Variants in RORA observed in about 807,000 individuals in gnomAD.
The protein encoded by RORA is RAR related orphan receptor A.
A neutral mutation model predicts 69.5 loss-of-function variants in RORA; 7 were observed. That is an observed-to-expected ratio of 0.10 (90% CI 0.06 to 0.19). RORA has a LOEUF of 0.19. Among genes scored for constraint, RORA ranks in the 10% least tolerant of loss-of-function variants. The pLI is 1.00. For synonymous variants in RORA, 261 were observed against 240.8 expected (o/e 1.08, Z -0.78); for missense variants, 457 against 663.0 (o/e 0.69, Z 3.41).
At chr15:60,620,292 A>C (rs139225742) in intron 2 of RORA, among the ~76,000 whole-genome samples, 124 of 152,342 alleles carry the variant, frequency 8.1e-4, no homozygotes, top group African/African-American at 3.0e-3. Context: ...TATTAGCTCA[A>C]ATAAGGACAG....
chr15:61,062,526 G>T (rs185826200), intron 1 of RORA, among the ~76,000 whole-genome samples: 1 of 152,260 alleles, frequency 6.6e-6, no homozygotes, highest in African/African-American at 2.4e-5. Flanking sequence ...CAGGAGGAGC[G>T]AGCCAAGTAG....
chr15:60,946,907 C>A (rs1002775140), intron 1 of RORA, among the ~76,000 whole-genome samples: 38 of 152,188 alleles, frequency 2.5e-4, no homozygotes, highest in Middle Eastern at 3.4e-3. Flanking sequence ...AGGAGCGCCT[C>A]TGCCCGGCCC....
At chr15:60,577,928 A>G (rs1404165770) in intron 2 of RORA, among the ~76,000 whole-genome samples, 2 of 152,222 alleles carry the variant, frequency 1.3e-5, no homozygotes, top group African/African-American at 2.4e-5. Context: ...TCTGCATTCA[A>G]TCTGTTGTGT....
intron 1 of RORA, among the ~76,000 whole-genome samples, chr15:60,960,642 C>CT (rs1227628217): frequency 0.026 from 3,571 of 138,800 alleles, 60 homozygotes; most frequent in African/African-American, 0.054. Context: ...GCACACAAAT[C>CT]TTTTTTTTTT....
At chr15:61,151,755 G>A (rs2079399977) in intron 1 of RORA, among the ~76,000 whole-genome samples, 1 of 152,122 alleles carries the variant, frequency 6.6e-6, no homozygotes, top group South Asian at 2.1e-4. Flanking sequence ...TGAATACGAA[G>A]CTTATCAAGC....
intron 1 of RORA, among the ~76,000 whole-genome samples, chr15:60,749,578 G>A (rs2071694832): frequency 6.6e-6 from 1 of 152,150 alleles, no homozygotes; most frequent in South Asian, 2.1e-4. Flanking sequence ...AAAAGTAAAT[G>A]CAAACCAGAA....
chr15:61,111,125 G>A (rs782923), intron 1 of RORA, among the ~76,000 whole-genome samples: 38,850 of 152,104 alleles, frequency 0.26, 5,181 homozygotes, highest in South Asian at 0.36. Context: ...AATGAAGGAG[G>A]CTGAATGGTT....
At chr15:60,704,401 C>T (rs1317528576) in intron 1 of RORA, among the ~76,000 whole-genome samples, 1 of 152,040 alleles carries the variant, frequency 6.6e-6, no homozygotes, top group Non-Finnish European at 1.5e-5. Context: ...TGGGTGGCTC[C>T]CCAAAGGTGC....
At chr15:60,594,795 T>C (rs1034555851) in intron 2 of RORA, among the ~76,000 whole-genome samples, 1 of 152,244 alleles carries the variant, frequency 6.6e-6, no homozygotes, top group Non-Finnish European at 1.5e-5. Flanking sequence ...TACACATTTA[T>C]TCAACAAAGA....
intron 3 of RORA, among the ~76,000 whole-genome samples, chr15:60,516,209 TTATATATATATATTTATATATATATTTA>T (rs2065941254): frequency 5.1e-4 from 10 of 19,536 alleles, no homozygotes; most frequent in Non-Finnish European, 7.3e-4. Context: ...ATATATATAT[TTATATATATATATTTATATATATATTTA>T]TATATATATA....
intron 2 of RORA, chr15:60,592,650 AGG>A: frequency 9.0e-7 from 1 of 1,115,504 alleles, no homozygotes; most frequent in Non-Finnish European, 1.1e-6. Flanking sequence ...GGGAGGCGGG[AGG>A]CGGGAGGCAG....
intron 1 of RORA, among the ~76,000 whole-genome samples, chr15:60,788,952 G>T (rs1326344379): frequency 6.6e-6 from 1 of 152,164 alleles, no homozygotes; most frequent in East Asian, 1.9e-4. Context: ...ATCTATGCTT[G>T]GTTTAATTTA....
intron 2 of RORA, among the ~76,000 whole-genome samples, chr15:60,546,677 C>A (rs73420088): frequency 0.047 from 7,205 of 152,178 alleles, 492 homozygotes; most frequent in African/African-American, 0.15. Flanking sequence ...AATTTACATC[C>A]AATTCCCCAG....
At chr15:60,786,753 C>G (rs995000434) in intron 1 of RORA, among the ~76,000 whole-genome samples, 3 of 152,216 alleles carry the variant, frequency 2.0e-5, no homozygotes, top group African/African-American at 7.2e-5. Flanking sequence ...CCTGTCTTGC[C>G]TGGGACTGGC....
At chr15:60,761,157 G>A (rs182109364) in intron 1 of RORA, among the ~76,000 whole-genome samples, 1 of 152,082 alleles carries the variant, frequency 6.6e-6, no homozygotes, top group African/African-American at 2.4e-5. Context: ...TTCCATGGGC[G>A]ACATTGCCTC....
chr15:60,803,856 C>T (rs875339), intron 1 of RORA, among the ~76,000 whole-genome samples: 28,795 of 152,126 alleles, frequency 0.19, 2,832 homozygotes, highest in East Asian at 0.27. Context: ...TATGGAGAAT[C>T]GGTACTTACA....
At chr15:60,809,907 G>A (rs2072718462) in intron 1 of RORA, among the ~76,000 whole-genome samples, 5 of 152,080 alleles carry the variant, frequency 3.3e-5, no homozygotes, top group Middle Eastern at 3.4e-3. Flanking sequence ...GACAAATCAG[G>A]TGTTCTATCA....
In RORA at chr15:60,503,622, C is replaced by T. The variant is rs374675694; in HGVS notation, c.988G>A (p.Ala330Thr). 4 of 1,613,972 alleles carry T rather than the reference C, an allele frequency of 2.5e-6. No homozygotes were observed. Among genetic ancestry groups the T allele is most frequent in the African/African-American group, 2.7e-5 (2 of 74,906 alleles). ...WQLCAIKITE[A>T]IQYVVEFAKR... is the part of the protein sequence containing the mutation. ...GCAAACTCCACCACATACTGTATAG[C>T]TTCTGTAATTTTGATGGCACACAAT... Residue 330 changes from alanine to threonine, a missense_variant, in exon 7 of 11, where the codon GCT becomes ACT. This residue lies in a region of RORA where 304 missense variants were observed against 447.4 expected (regional missense o/e 0.68). Transcript: ENST00000335670.
rs139624451 is a variant in RORA, at chr15:60,917,167, A to G, written c.167-238481T>C. Among the ~76,000 whole-genome samples the G allele has an allele frequency of 3.8e-4, 58 of 152,330 alleles. 1 individual carries two copies. The highest frequency in any genetic ancestry group is 1.4e-3 in the African/African-American group (57 of 41,572). On this transcript the variant is annotated intron_variant, in intron 1 of 10. Transcript: ENST00000335670. The stretch of plus-strand genomic sequence containing the variant: ...CCTTGGGCACCTACCCGCCTCCCCA[A>G]ACAGATGTAATTTAGGAAAATGTCA...
Sources: gnomAD v4.1 joint callset for allele counts (sites outside exome capture counted in the v4.1 genomes callset) on GRCh38, gnomAD v4.1.1 for gene constraint, gnomAD v4.1.1 regional missense constraint, MANE v1.5 for transcripts, NCBI Gene and HGNC (gene_info 2026-07-23, HGNC 2026-07-21) for gene names.